The following IL17RD variants were observed in gnomAD, a reference collection of about 807,000 sequenced individuals.
IL17RD encodes interleukin 17 receptor D, also known as interleukin-17 receptor D.
A neutral mutation model predicts 80.5 loss-of-function variants in IL17RD; 52 were observed. The observed-to-expected ratio is 0.65, with a 90% CI of 0.52 to 0.81. The LOEUF is 0.81. Among genes scored for constraint, IL17RD ranks in the 40% least tolerant of loss-of-function variants. IL17RD has a pLI of 0.00. For missense variants in IL17RD, 1,024 were observed against 955.1 expected, an observed-to-expected ratio of 1.07 and a Z score of -0.95; for synonymous variants, 416 against 391.8, an observed-to-expected ratio of 1.06 and a Z score of -0.73.
At chr3:57,163,610 C>T (rs538683789) in intron 1 of IL17RD, among the ~76,000 whole-genome samples, 1 of 152,048 alleles carries the variant, frequency 6.6e-6, no homozygotes, top group Non-Finnish European at 1.5e-5. Context: ...GAGTCTAAAT[C>T]CAAAATTCTA....
Position 57,109,620 on chromosome 3 carries a change from T to C in IL17RD, c.467A>G (p.Glu156Gly). The C allele has an allele frequency of 6.2e-7, 1 of 1,613,540 alleles. No individual in the cohort carries two copies. Among genetic ancestry groups the C allele is most frequent in the South Asian group, 1.1e-5 (1 of 91,020 alleles). Residue 156 changes from glutamate to glycine, a missense_variant, in exon 5 of 13, where the codon GAA (glutamate) becomes GGA (glycine). Transcript: ENST00000296318. ...ESQPFLNMKFETDYFVKVVPF... is the reference protein window; with the variant it reads ...ESQPFLNMKFGTDYFVKVVPF... ...GACAACCTTTACGAAATAATCCGTTTCAAATTTCATATTCAGGAAAGGTTG... is the reference window on the plus strand; with the variant it reads ...GACAACCTTTACGAAATAATCCGTTCCAAATTTCATATTCAGGAAAGGTTG...
At position 57,097,868 on chromosome 3, in the gene IL17RD, G is replaced by A. The variant is rs1706722403; in HGVS notation, c.1835C>T (p.Ala612Val). The change falls in exon 12 of 13, where the codon GCA becomes GTA. Residue 612 changes from alanine to valine, a missense_variant. Transcript: ENST00000296318. ...CLKVEAAVLG[A>V]TGPADSQHES... is the part of the protein sequence containing the mutation. ...GTGCTGGGAGTCGGCTGGTCCGGTT[G>A]CCCCAAGAACAGCCGCCTCTACCTT... 1.2e-6 allele frequency: 2 copies of A among 1,613,604 alleles called. No homozygotes were observed. Among genetic ancestry groups the A allele is most frequent in the African/African-American group, 1.3e-5 (1 of 74,926 alleles).
chr3:57,135,045 T>C (rs1347652073), intron 1 of IL17RD, among the ~76,000 whole-genome samples: 1 of 151,944 alleles, frequency 6.6e-6, no homozygotes, highest in Non-Finnish European at 1.5e-5. Flanking sequence ...GAGATGGAAG[T>C]AGCAGTGAGC....
chr3:57,117,303 A>G (rs1028382725), intron 2 of IL17RD, among the ~76,000 whole-genome samples: 2 of 152,072 alleles, frequency 1.3e-5, no homozygotes, highest in African/African-American at 4.8e-5. Flanking sequence ...TAGTAGAGAC[A>G]GAGTTTCACC....
chr3:57,148,821 A>G (rs1220058930), intron 1 of IL17RD, among the ~76,000 whole-genome samples: 1 of 152,194 alleles, frequency 6.6e-6, no homozygotes, highest in African/African-American at 2.4e-5. Context: ...GGGCCCAGTG[A>G]AGCCCAGAAC....
At chr3:57,103,051 T>C in intron 9 of IL17RD, 40 bp downstream of exon 9, 2 of 1,453,226 alleles carry the variant, frequency 1.4e-6, no homozygotes, top group East Asian at 2.3e-5. Flanking sequence ...CCTTGGTCTA[T>C]AGTAGTCTAG....
chr3:57,110,977 C>G (rs1011627205), intron 3 of IL17RD, among the ~76,000 whole-genome samples: 2 of 152,244 alleles, frequency 1.3e-5, no homozygotes, highest in African/African-American at 4.8e-5. Context: ...AGACACCAGC[C>G]CAGCCTCCTG....
intron 1 of IL17RD, among the ~76,000 whole-genome samples, chr3:57,153,306 C>T (rs1460991261): frequency 6.6e-6 from 1 of 152,246 alleles, no homozygotes; most frequent in Admixed American, 6.5e-5. Context: ...ACTGCATCTA[C>T]ATTTGTTACC....
chr3:57,111,277 T>C (rs560085453), intron 3 of IL17RD, among the ~76,000 whole-genome samples: 3 of 152,386 alleles, frequency 2.0e-5, no homozygotes, highest in African/African-American at 7.2e-5. Context: ...CTCTTTCAAA[T>C]AGGTTCTCCA....
chr3:57,141,739 C>G (rs1707832940), intron 1 of IL17RD, among the ~76,000 whole-genome samples: 1 of 152,102 alleles, frequency 6.6e-6, no homozygotes, highest in Non-Finnish European at 1.5e-5. Flanking sequence ...AACACCATGC[C>G]AACATCCTAA....
chr3:57,164,717 A>T (rs561730389), intron 1 of IL17RD, among the ~76,000 whole-genome samples: 1 of 152,234 alleles, frequency 6.6e-6, no homozygotes, highest in South Asian at 2.1e-4. Flanking sequence ...CCCGGGCCTT[A>T]GCAGGGTTGT....
chr3:57,092,731 G>C lies in IL17RD; in HGVS notation c.*3662C>G, dbSNP rs549116206. 8 of 152,336 alleles carry C rather than the reference G, an allele frequency of 5.3e-5. No homozygotes were observed. The South Asian group carries it at 1.7e-3, about 32-fold the overall frequency. 9.4% of individuals were successfully genotyped at this position (152,336 alleles called of 1,614,324 possible). A position where few individuals can be genotyped will look rare whatever the true frequency, so the allele number is the denominator to read the frequency against. ...AATCAAGACATGTCCAGTGCATTCAGAATCACGTCAAATTTCTTTGCGGGG... is the reference window on the plus strand; with the variant it reads ...AATCAAGACATGTCCAGTGCATTCACAATCACGTCAAATTTCTTTGCGGGG... On this transcript the variant is annotated 3_prime_UTR_variant, in exon 13 of 13. Transcript: ENST00000296318.
rs576927734 is a variant in IL17RD, at chr3:57,109,367, G to A, written c.550+170C>T. On this transcript the variant is annotated intron_variant, in intron 5 of 12. Coordinates refer to ENST00000296318, the MANE Select transcript of IL17RD (RefSeq NM_017563.5). ...TCACCATGTTGGCCAGGCTGGTCTC[G>A]AACTCCTGACCTTGTGATCTGCCTG... 2.6e-5 allele frequency among the ~76,000 whole-genome samples: 4 copies of A among 152,008 alleles called. No homozygotes were observed. In the East Asian group the frequency reaches 5.8e-4, roughly 22 times the overall value.
In IL17RD at chr3:57,110,393, C is replaced by T. The variant is rs1400122004; in HGVS notation, c.311-82G>A. On this transcript the variant is annotated intron_variant, in intron 3 of 12. Transcript: ENST00000296318. The stretch of plus-strand genomic sequence containing the variant: ...CTTCTTCCTCCAAGATTACCATCTT[C>T]TCTACCTACACACCAGAGTTAAAGG... The T allele has an allele frequency of 1.5e-5, 22 of 1,430,180 alleles. No homozygotes were observed. In the South Asian group the frequency reaches 1.7e-4, roughly 11 times the overall value. The allele number at this position is 1,430,180 out of a possible 1,614,324, so 88.6% of individuals were successfully genotyped here. A position where few individuals can be genotyped will look rare whatever the true frequency, so the allele number is the denominator to read the frequency against.
intron 12 of IL17RD, 156 bp downstream of exon 12, chr3:57,097,440 C>T (rs181693698): frequency 2.5e-4 from 158 of 639,482 alleles, no homozygotes; most frequent in Non-Finnish European, 4.1e-4. Flanking sequence ...GTACTCCCAT[C>T]ACCTGGTATA....
Position 57,127,068 on chromosome 3 carries a change from A to C in IL17RD, c.127-6755T>G, listed in dbSNP as rs368708184. ...TCAAACTCCTGACCTCAGGTGATCC[A>C]CTCGCCTTGGCCTCCCAAAGTGCTG... On this transcript the variant is annotated intron_variant, in intron 1 of 12. Transcript: ENST00000296318. Among the ~76,000 whole-genome samples, 16 of 148,624 alleles carry C rather than the reference A, an allele frequency of 1.1e-4. No individual in the cohort carries two copies. In the South Asian group the frequency reaches 2.1e-3, roughly 20 times the overall value.
At chr3:57,135,955 A>C (rs1159221269) in intron 1 of IL17RD, among the ~76,000 whole-genome samples, 2 of 152,330 alleles carry the variant, frequency 1.3e-5, no homozygotes, top group East Asian at 3.9e-4. Context: ...TGATGTGGGT[A>C]TCCTAAACGC....
chr3:57,140,003 TAA>T (rs528495418), intron 1 of IL17RD, among the ~76,000 whole-genome samples: 1 of 147,778 alleles, frequency 6.8e-6, no homozygotes, highest in African/African-American at 2.5e-5. Flanking sequence ...GTTTAAAACT[TAA>T]AAAAAAAAAT....
chr3:57,096,637 C>T, intron 12 of IL17RD, 132 bp from the exon 13 acceptor site: 1 of 683,534 alleles, frequency 1.5e-6, no homozygotes, highest in Non-Finnish European at 2.7e-6. Flanking sequence ...GAATCCCAAC[C>T]AACTCAAGAT....
Sources: allele counts gnomAD v4.1 joint callset (sites outside exome capture counted in the v4.1 genomes callset), GRCh38; gene constraint gnomAD v4.1.1; transcripts MANE v1.5; gene names NCBI Gene and HGNC (gene_info 2026-07-23, HGNC 2026-07-21).